The following CASP1 variants were observed in gnomAD, a reference collection of about 807,000 sequenced individuals.
CASP1 encodes caspase 1.
A neutral mutation model predicts 41.2 loss-of-function variants in CASP1; 31 were observed. The observed-to-expected ratio is 0.75, with a 90% CI of 0.57 to 1.02. CASP1 has a LOEUF of 1.02. Ranked by LOEUF, CASP1 falls within the 50% of genes least tolerant of loss-of-function variation. CASP1 has a pLI of 0.00. For synonymous variants in CASP1, 163 were observed against 166.5 expected, an observed-to-expected ratio of 0.98 and a Z score of 0.16; for missense variants, 490 against 495.7, an observed-to-expected ratio of 0.99 and a Z score of 0.11.
upstream of CASP1, chr11:105,035,222 G>T: frequency 7.3e-7 from 1 of 1,377,300 alleles, no homozygotes; most frequent in Non-Finnish European, 1.0e-6. Context: ...GCATGCATAT[G>T]CATGTCTTTA....
chr11:105,028,167 G>GA (rs914857518), intron 7 of CASP1, among the ~76,000 whole-genome samples: 6 of 151,304 alleles, frequency 4.0e-5, no homozygotes, highest in African/African-American at 1.2e-4. Context: ...TGATCATTGG[G>GA]AAAAAAAAAT....
At chr11:105,033,224 A>G (rs1863803215) in intron 2 of CASP1, 98 bp from the exon 3 acceptor site, 1 of 650,248 alleles carries the variant, frequency 1.5e-6, no homozygotes, top group Non-Finnish European at 2.7e-6. Context: ...TTCTCCCATA[A>G]CACTGACTGA....
rs760626645 is a variant in CASP1, at chr11:105,030,442, T to A, written c.515A>T (p.Glu172Val). ...AGTTCTTCTAGGAATACTGTCAAAT[T>A]CTTCATTGCAGATAATGAGAGCAAG... ...TRLALIICNE[E>V]FDSIPRRTGA... is the part of the protein sequence containing the mutation. Residue 172 changes from glutamate to valine, a missense_variant, in exon 5 of 9, where the codon GAA (glutamate) becomes GTA (valine). Transcript: ENST00000533400. 1 of 1,613,630 alleles carries A rather than the reference T, an allele frequency of 6.2e-7. No homozygotes were observed. The highest frequency in any genetic ancestry group is 8.5e-7 in the Non-Finnish European group (1 of 1,179,654).
rs757445434 is a variant in CASP1, at chr11:105,033,143, G to C, written c.275-17C>G. On this transcript the variant is annotated splice_polypyrimidine_tract_variant and intron_variant, in intron 2 of 8. Coordinates refer to ENST00000533400, the MANE Select transcript of CASP1 (RefSeq NM_001257118.3). ...ATGTTTGATCTATGAAAAGATAAAGGGTATTGAAGTAGTCACTTATCATCT... is the reference window on the plus strand; with the variant it reads ...ATGTTTGATCTATGAAAAGATAAAGCGTATTGAAGTAGTCACTTATCATCT... 1.4e-5 allele frequency: 21 copies of C among 1,462,148 alleles called. No homozygotes were observed. The highest frequency in any genetic ancestry group is 2.0e-5 in the Non-Finnish European group (21 of 1,048,568). The allele number at this position is 1,462,148 out of a possible 1,614,324, so 90.6% of individuals were successfully genotyped here.
intron 1 of CASP1, chr11:105,034,791 G>A (rs1474982054): frequency 5.1e-6 from 3 of 593,206 alleles, no homozygotes; most frequent in Non-Finnish European, 8.9e-6. Context: ...ATTTCATTTA[G>A]GAACCACTGC....
intron 3 of CASP1, among the ~76,000 whole-genome samples, chr11:105,032,677 A>C (rs1167134142): frequency 1.3e-5 from 2 of 152,230 alleles, no homozygotes; most frequent in African/African-American, 2.4e-5. Context: ...TGGTTTGAAC[A>C]ACTGGTGACG....
chr11:105,026,423 G>T, intron 8 of CASP1, 67 bp from the exon 9 acceptor site: 1 of 1,018,594 alleles, frequency 9.8e-7, no homozygotes, highest in Non-Finnish European at 1.5e-6. Context: ...AATTTCTTGA[G>T]TTATGCCAAA....
At chr11:105,034,150 A>G (rs1863871456) in intron 2 of CASP1, 58 bp downstream of exon 2, 3 of 1,613,022 alleles carry the variant, frequency 1.9e-6, no homozygotes, top group Non-Finnish European at 2.5e-6. Context: ...AAAGAAATCA[A>G]ATGTTAGGCA....
chr11:105,032,963 T>C lies in CASP1; in HGVS notation c.337+101A>G, dbSNP rs1411575558. The stretch of plus-strand genomic sequence containing the variant: ...AAAAGAAAATTATATGACCAATCTA[T>C]GAGAATTCTCCATAGCCCATTTACC... On this transcript the variant is annotated intron_variant, in intron 3 of 8. Transcript: ENST00000533400. 4 of 721,526 alleles carry C rather than the reference T, an allele frequency of 5.5e-6. No individual in the cohort carries two copies. The African/African-American group carries it at 7.2e-5, about 13-fold the overall frequency. 44.7% of individuals were successfully genotyped at this position (721,526 alleles called of 1,614,324 possible).
upstream of CASP1, among the ~76,000 whole-genome samples, chr11:105,035,960 C>T (rs1423482613): frequency 6.6e-6 from 1 of 152,110 alleles, no homozygotes; most frequent in African/African-American, 2.4e-5. Context: ...AGGCCCAGAG[C>T]ATAGGCTCTG....
At chr11:105,033,662 A>G (rs1267961372) in intron 2 of CASP1, among the ~76,000 whole-genome samples, 1 of 152,226 alleles carries the variant, frequency 6.6e-6, no homozygotes, top group Non-Finnish European at 1.5e-5. Context: ...AGAAAATACA[A>G]GGAGGCAACT....
intron 3 of CASP1, 73 bp downstream of exon 3, chr11:105,032,991 C>G (rs376201664): frequency 1.7e-5 from 16 of 915,558 alleles, no homozygotes; most frequent in Non-Finnish European, 2.9e-5. Context: ...CATTTACCCA[C>G]GTTTGATCCT....
At chr11:105,030,565 G>C in intron 4 of CASP1, 62 bp from the exon 5 acceptor site, 1 of 1,440,152 alleles carries the variant, frequency 6.9e-7, no homozygotes, top group Non-Finnish European at 9.6e-7. Context: ...TTCCCTTCCT[G>C]GTTTATGACA....
At chr11:105,035,514 T>C (rs961577890), upstream of CASP1, among the ~76,000 whole-genome samples, 4 of 152,126 alleles carry the variant, frequency 2.6e-5, no homozygotes, top group Admixed American at 1.3e-4. Flanking sequence ...GGGTAATGTA[T>C]GTCCCTGTGA....
At chr11:105,034,954 T>C (rs1239884786) in intron 1 of CASP1, among the ~76,000 whole-genome samples, 153 bp downstream of exon 1, 1 of 152,182 alleles carries the variant, frequency 6.6e-6, no homozygotes, top group Non-Finnish European at 1.5e-5. Flanking sequence ...TCTGCAAGAA[T>C]CTTCTAGTTC....
chr11:105,030,226 GAT>G, intron 5 of CASP1, 102 bp downstream of exon 5: 1 of 995,684 alleles, frequency 1.0e-6, no homozygotes, highest in South Asian at 1.6e-5. Flanking sequence ...TTGTATTTTA[GAT>G]TATCAAGAGA....
chr11:105,034,196 A>T lies in CASP1; in HGVS notation c.274+12T>A. ...CCCTAGGTGAACTTGAGTGTAAGTC[A>T]CTGACCCTTACCTGCTGAGAGTCCC... is the stretch of plus-strand genomic sequence containing the variant. On this transcript the variant is annotated intron_variant, in intron 2 of 8. Transcript: ENST00000533400. The T allele has an allele frequency of 6.2e-7, 1 of 1,614,048 alleles. No homozygotes were observed. The highest frequency in any genetic ancestry group is 8.5e-7 in the Non-Finnish European group (1 of 1,179,904).
chr11:105,035,097 A>G lies in CASP1; in HGVS notation c.7+10T>C, dbSNP rs775848383. The G allele has an allele frequency of 6.2e-7, 1 of 1,613,288 alleles. No individual in the cohort carries two copies. The highest frequency in any genetic ancestry group is 2.2e-5 in the East Asian group (1 of 44,878). ...CCAGGGACCTGTTCTTGGAACAGTA[A>G]AAGACTCACCGGCCATGGCTTTTCT... On this transcript the variant is annotated intron_variant, in intron 1 of 8. Transcript: ENST00000533400.
At position 105,026,310 on chromosome 11, in the gene CASP1, G is replaced by A; in HGVS notation, c.1163C>T (p.Thr388Ile). The A allele has an allele frequency of 6.2e-7, 1 of 1,612,200 alleles. No individual in the cohort carries two copies. Among genetic ancestry groups the A allele is most frequent in the Non-Finnish European group, 8.5e-7 (1 of 1,178,756 alleles). ...TCTTGTCAAAGTCACTCTTTCAGTG[G>A]TGGGCATCTGCGCTCTACCATCTGG... ...EQPDGRAQMP[T>I]TERVTLTRCF... Residue 388 changes from threonine to isoleucine, a missense_variant, in exon 9 of 9, where the codon ACC becomes ATC. Coordinates refer to ENST00000533400, the MANE Select transcript of CASP1 (RefSeq NM_001257118.3).
Sources: gnomAD v4.1 joint callset for allele counts (sites outside exome capture counted in the v4.1 genomes callset) on GRCh38, gnomAD v4.1.1 for gene constraint, MANE v1.5 for transcripts, NCBI Gene and HGNC (gene_info 2026-07-23, HGNC 2026-07-21) for gene names.